Variants in ZMYND11 observed in about 807,000 individuals in gnomAD.
ZMYND11 encodes the protein zinc finger MYND-type containing 11.
A neutral mutation model predicts 84.9 loss-of-function variants in ZMYND11; 9 were observed. The observed-to-expected ratio is 0.11, with a 90% confidence interval of 0.06 to 0.18. The LOEUF (loss-of-function observed/expected upper bound fraction) is 0.18. Ranked by LOEUF, ZMYND11 falls within the 10% of genes least tolerant of loss-of-function variation. The pLI is 1.00. For synonymous variants in ZMYND11, 250 were observed against 244.1 expected, an observed-to-expected ratio of 1.02 and a Z score of -0.23; for missense variants, 409 against 761.0, an observed-to-expected ratio of 0.54 and a Z score of 5.44.
intron 2 of ZMYND11, among the ~76,000 whole-genome samples, chr10:203,432 A>G (rs1182683161): frequency 6.6e-6 from 1 of 152,202 alleles, no homozygotes; most frequent in Non-Finnish European, 1.5e-5. Context: ...ATAAAACCAT[A>G]TTAAAGACAT....
chr10:199,913 G>A (rs1942728146), intron 2 of ZMYND11, among the ~76,000 whole-genome samples: 1 of 151,428 alleles, frequency 6.6e-6, no homozygotes, highest in Non-Finnish European at 1.5e-5. Context: ...CATCCAGGCT[G>A]GAGTGCAGTG....
intron 1 of ZMYND11, among the ~76,000 whole-genome samples, chr10:159,820 A>T (rs1406574350): frequency 6.6e-6 from 1 of 152,114 alleles, no homozygotes; most frequent in Non-Finnish European, 1.5e-5. Flanking sequence ...GAATCTACTC[A>T]TATTTTCATC....
intron 9 of ZMYND11, among the ~76,000 whole-genome samples, chr10:241,350 GTAT>G (rs1337937737): frequency 8.5e-5 from 13 of 152,068 alleles, no homozygotes; most frequent in African/African-American, 2.9e-4. Context: ...GCTAATTTTT[GTAT>G]TTTTTGTAGA....
intron 1 of ZMYND11, among the ~76,000 whole-genome samples, chr10:138,505 T>A (rs1042153429): frequency 6.6e-6 from 1 of 152,220 alleles, no homozygotes. Flanking sequence ...CCTCTGAGTT[T>A]TTTCTTCTTA....
chr10:242,259 T>G, intron 10 of ZMYND11, 120 bp downstream of exon 10: 2 of 1,312,484 alleles, frequency 1.5e-6, no homozygotes, highest in South Asian at 2.9e-5. Context: ...AAAAAACACA[T>G]TATGCATCCA....
intron 4 of ZMYND11, among the ~76,000 whole-genome samples, chr10:230,792 G>C (rs1948899322): frequency 6.6e-6 from 1 of 152,156 alleles, no homozygotes; most frequent in African/African-American, 2.4e-5. Context: ...GAGTTTAGCT[G>C]CATGGAATAG....
chr10:163,952 C>G (rs151111729), intron 1 of ZMYND11, among the ~76,000 whole-genome samples: 462 of 152,146 alleles, frequency 3.0e-3, no homozygotes, highest in African/African-American at 0.01. Flanking sequence ...TTTAATTTCT[C>G]CAGAAAGGTA....
At position 151,593 on chromosome 10, in the gene ZMYND11, C is replaced by T. The variant is rs186902157; in HGVS notation, c.-20+16034C>T. On this transcript the variant is annotated intron_variant, in intron 1 of 14. Transcript: ENST00000381604. ...AAAGACCAAATCTACGTCTGATTGGCGTACCTGAAAGTCACGGGGAGAATG... is the reference window on the plus strand; with the variant it reads ...AAAGACCAAATCTACGTCTGATTGGTGTACCTGAAAGTCACGGGGAGAATG... 9.0e-3 allele frequency among the ~76,000 whole-genome samples: 1,377 copies of T among 152,166 alleles called. 13 individuals are homozygous for T. The highest frequency in any genetic ancestry group is 0.056 in the South Asian group (272 of 4,822).
chr10:180,803 TG>T (rs1847727327), intron 2 of ZMYND11, among the ~76,000 whole-genome samples: 1 of 152,230 alleles, frequency 6.6e-6, no homozygotes, highest in Non-Finnish European at 1.5e-5. Context: ...AGGATAGGCA[TG>T]GTATGTGTAG....
At chr10:185,870 A>G (rs901657556) in intron 2 of ZMYND11, among the ~76,000 whole-genome samples, 2 of 151,882 alleles carry the variant, frequency 1.3e-5, no homozygotes, top group Non-Finnish European at 2.9e-5. Context: ...GGCACAGGCT[A>G]TTTTCTGAAG....
At chr10:218,899 A>AACAT (rs1946646180) in intron 3 of ZMYND11, among the ~76,000 whole-genome samples, 2 of 152,218 alleles carry the variant, frequency 1.3e-5, no homozygotes, top group African/African-American at 4.8e-5. Flanking sequence ...TTCATCCCTC[A>AACAT]GGAAAATGTT....
intron 2 of ZMYND11, among the ~76,000 whole-genome samples, chr10:206,857 T>A (rs1427524456): frequency 6.6e-6 from 1 of 152,088 alleles, no homozygotes; most frequent in East Asian, 1.9e-4. Context: ...TTATTATTAT[T>A]ATACTTTAAG....
At chr10:146,282 T>G (rs928023867) in intron 1 of ZMYND11, among the ~76,000 whole-genome samples, 3 of 152,214 alleles carry the variant, frequency 2.0e-5, no homozygotes, top group Non-Finnish European at 2.9e-5. Context: ...ACTATAGCCT[T>G]GTAGTATAAA....
intron 4 of ZMYND11, among the ~76,000 whole-genome samples, chr10:222,968 T>G (rs1947392935): frequency 6.6e-6 from 1 of 152,166 alleles, no homozygotes; most frequent in African/African-American, 2.4e-5. Context: ...AAGAAAATGT[T>G]TAATACTTCT....
chr10:197,296 A>G (rs113037921), intron 2 of ZMYND11, among the ~76,000 whole-genome samples: 26 of 149,802 alleles, frequency 1.7e-4, no homozygotes, highest in African/African-American at 5.4e-4. Context: ...TGCGCATTGT[A>G]TTCATGTATG....
At chr10:199,856 T>C (rs890519974) in intron 2 of ZMYND11, among the ~76,000 whole-genome samples, 8 of 151,978 alleles carry the variant, frequency 5.3e-5, no homozygotes, top group African/African-American at 1.9e-4. Context: ...AATTTTATGA[T>C]GTGGAAAACA....
chr10:201,375 G>A (rs993665411), intron 2 of ZMYND11, among the ~76,000 whole-genome samples: 10 of 152,086 alleles, frequency 6.6e-5, no homozygotes, highest in African/African-American at 2.2e-4. Context: ...GTGGTGGTTC[G>A]TTCTTCCACT....
At chr10:173,288 A>G (rs1418171680) in intron 1 of ZMYND11, among the ~76,000 whole-genome samples, 1 of 152,154 alleles carries the variant, frequency 6.6e-6, no homozygotes, top group Non-Finnish European at 1.5e-5. Flanking sequence ...GTCAAAGATA[A>G]TGTCAAGAAA....
chr10:246,747 C>A lies in ZMYND11; in HGVS notation c.951-19C>A, dbSNP rs776883351. The A allele has an allele frequency of 6.2e-7, 1 of 1,612,308 alleles. No homozygotes were observed. Among genetic ancestry groups the A allele is most frequent in the Non-Finnish European group, 8.5e-7 (1 of 1,178,634 alleles). The stretch of plus-strand genomic sequence containing the variant: ...CCATTTGGGATGTTTCTAACTATAC[C>A]TTTATGTGTTTTTCCTAGGGCCTGG... On this transcript the variant is annotated intron_variant, in intron 10 of 14. Coordinates refer to ENST00000381604, the MANE Select transcript of ZMYND11 (RefSeq NM_001370100.5).
Sources: gnomAD v4.1 joint callset for allele counts (sites outside exome capture counted in the v4.1 genomes callset) on GRCh38, gnomAD v4.1.1 for gene constraint, MANE v1.5 for transcripts, NCBI Gene and HGNC (gene_info 2026-07-23, HGNC 2026-07-21) for gene names.